The following TUBGCP3 variants were observed in gnomAD, a reference collection of about 807,000 sequenced individuals.
TUBGCP3 encodes the protein gamma-tubulin complex component 3.
A neutral mutation model predicts 123.1 loss-of-function variants in TUBGCP3; 50 were observed. The observed-to-expected ratio is 0.41, with a 90% CI of 0.32 to 0.51. The LOEUF (loss-of-function observed/expected upper bound fraction) is 0.51, where lower values mean the gene tolerates loss of function less well. Ranked by LOEUF, TUBGCP3 falls within the 20% of genes least tolerant of loss-of-function variation. The probability of loss-of-function intolerance (pLI) is 0.36; values close to 1 mark genes in which losing one functional copy is unlikely to be tolerated. For synonymous variants in TUBGCP3, 405 were observed against 413.9 expected, an observed-to-expected ratio of 0.98 and a Z score of 0.26; for missense variants, 882 against 1,127.0, an observed-to-expected ratio of 0.78 and a Z score of 3.11.
rs991179787 is a variant in TUBGCP3, at chr13:112,524,321, T to C, written c.1556-1812A>G. ...TTAAGTGTTTTTGATCCTCAGTTGATTGAATCTGCAGATGTGGGGCGGTGG... is the reference window on the plus strand; with the variant it reads ...TTAAGTGTTTTTGATCCTCAGTTGACTGAATCTGCAGATGTGGGGCGGTGG... On this transcript the variant is annotated intron_variant, in intron 13 of 21. Transcript: ENST00000261965. This position sits in a 1 kb window ranked among gnomAD's most constrained non-coding sequence, Gnocchi z 4.4. Among the ~76,000 whole-genome samples the C allele has an allele frequency of 1.3e-5, 2 of 152,208 alleles. No individual in the cohort carries two copies. The highest frequency in any genetic ancestry group is 4.8e-5 in the African/African-American group (2 of 41,442).
At chr13:112,553,945 T>A in intron 8 of TUBGCP3, 112 bp downstream of exon 8, 1 of 1,498,612 alleles carries the variant, frequency 6.7e-7, no homozygotes, top group African/African-American at 1.4e-5. Flanking sequence ...CTCTCAAAGC[T>A]GCTTTACTTG....
chr13:112,590,274 T>A (rs183521041), upstream of TUBGCP3, among the ~76,000 whole-genome samples: 9 of 152,166 alleles, frequency 5.9e-5, no homozygotes, highest in East Asian at 1.7e-3. Context: ...CCGCGCCCGG[T>A]CCAGCCATCT....
At chr13:112,561,312 G>A (rs1447356517) in intron 3 of TUBGCP3, among the ~76,000 whole-genome samples, 1 of 152,196 alleles carries the variant, frequency 6.6e-6, no homozygotes, top group South Asian at 2.1e-4. Context: ...CAGGACCAAG[G>A]AGCCAAGCTG....
At chr13:112,503,615 G>A (rs922902316) in intron 19 of TUBGCP3, among the ~76,000 whole-genome samples, 4 of 151,902 alleles carry the variant, frequency 2.6e-5, no homozygotes, top group Admixed American at 6.6e-5. Flanking sequence ...TGATCCACCC[G>A]CCTCGGCCTC....
At chr13:112,578,745 G>C (rs113840406) in intron 1 of TUBGCP3, among the ~76,000 whole-genome samples, 3,737 of 151,988 alleles carry the variant, frequency 0.025, 74 homozygotes, top group Middle Eastern at 0.054. Context: ...AGAGCTCAGG[G>C]CCTTCACAGC....
intron 1 of TUBGCP3, among the ~76,000 whole-genome samples, chr13:112,569,895 G>C (rs1327715671): frequency 6.6e-6 from 1 of 152,090 alleles, no homozygotes; most frequent in African/African-American, 2.4e-5. Context: ...CAATGAAACC[G>C]GAACACTAAA....
At chr13:112,527,195 C>CA in intron 12 of TUBGCP3, 145 bp from the exon 13 acceptor site, 1 of 798,560 alleles carries the variant, frequency 1.3e-6, no homozygotes, top group East Asian at 2.7e-5. Context: ...TCTAGTAACT[C>CA]AAAGATATAT....
rs1246057587 is a variant in TUBGCP3 at position 112,524,640 on chromosome 13, T to A, written c.1556-2131A>T. Among the ~76,000 whole-genome samples, 1 of 152,132 alleles carries A rather than the reference T, an allele frequency of 6.6e-6. No homozygotes were observed. Among genetic ancestry groups the A allele is most frequent in the African/African-American group, 2.4e-5 (1 of 41,424 alleles). On this transcript the variant is annotated intron_variant, in intron 13 of 21. Transcript: ENST00000261965. The surrounding 1 kb of genome is among the most constrained non-coding windows in gnomAD (Gnocchi z 4.4). ...GTCTATGTACCCCCCCACAAAAAAA[T>A]ACATGTAAAATTATGTCTGAATGCT...
chr13:112,548,678 T>A (rs1879279625), intron 8 of TUBGCP3, among the ~76,000 whole-genome samples: 1 of 152,158 alleles, frequency 6.6e-6, no homozygotes, highest in Non-Finnish European at 1.5e-5. Flanking sequence ...GGGCAAAGCA[T>A]ATGAACAGAC....
chr13:112,520,529 C>CA (rs199932617), intron 14 of TUBGCP3, among the ~76,000 whole-genome samples: 3,379 of 149,354 alleles, frequency 0.023, 71 homozygotes, highest in Middle Eastern at 0.087. Context: ...GACTCCATCT[C>CA]AAAAAAAAGA....
intron 11 of TUBGCP3, among the ~76,000 whole-genome samples, chr13:112,534,181 GTCC>G (rs1166927817): frequency 6.6e-6 from 1 of 152,190 alleles, no homozygotes; most frequent in African/African-American, 2.4e-5. Flanking sequence ...TAGACCAGGG[GTCC>G]TCAAGTTTCA....
chr13:112,517,914 T>G (rs546927703), intron 16 of TUBGCP3, among the ~76,000 whole-genome samples: 2 of 152,278 alleles, frequency 1.3e-5, no homozygotes, highest in African/African-American at 4.8e-5. Flanking sequence ...AATAAATAAA[T>G]AATTTGTTAA....
At chr13:112,535,332 T>C (rs996799810) in intron 11 of TUBGCP3, among the ~76,000 whole-genome samples, 3 of 152,208 alleles carry the variant, frequency 2.0e-5, no homozygotes, top group African/African-American at 7.2e-5. Flanking sequence ...GGTCACATGG[T>C]AAATCCATAT....
At chr13:112,528,234 A>G (rs958656907) in intron 11 of TUBGCP3, among the ~76,000 whole-genome samples, 2 of 152,226 alleles carry the variant, frequency 1.3e-5, no homozygotes, top group Admixed American at 6.5e-5. Flanking sequence ...TTTCAATCAT[A>G]CACCCTAATA....
intron 8 of TUBGCP3, among the ~76,000 whole-genome samples, chr13:112,550,482 C>T (rs1879467663): frequency 1.3e-5 from 2 of 152,234 alleles, no homozygotes; most frequent in East Asian, 1.9e-4. Flanking sequence ...AAGAAACGTC[C>T]TAGAGTCTGG....
At chr13:112,489,443 C>A (rs763251918) in intron 21 of TUBGCP3, 138 bp downstream of exon 21, 4 of 707,364 alleles carry the variant, frequency 5.7e-6, no homozygotes, top group Non-Finnish European at 1.0e-5. Flanking sequence ...CAGGGTCCAC[C>A]ATGGGTGCTA....
At chr13:112,553,956 G>A in intron 8 of TUBGCP3, 101 bp downstream of exon 8, 1 of 1,521,214 alleles carries the variant, frequency 6.6e-7, no homozygotes, top group Non-Finnish European at 8.8e-7. Flanking sequence ...GCTTTACTTG[G>A]AAAGAGCCTT....
rs1227652027 is a variant in TUBGCP3 at position 112,508,064 on chromosome 13, TGCCTGGG to T, written c.2087-3357_2087-3351del. ...ATCCCACTCCAGCCCATCCCAGTGCTGCCTGGGGCCTTCCCCTTCTCTCCCTCACTCC... is the reference window on the plus strand; with the variant it reads ...ATCCCACTCCAGCCCATCCCAGTGCTGCCTTCCCCTTCTCTCCCTCACTCC... On this transcript the variant is annotated intron_variant, in intron 17 of 21. Coordinates refer to ENST00000261965, the MANE Select transcript of TUBGCP3 (RefSeq NM_006322.6). This position sits in a 1 kb window ranked among gnomAD's most constrained non-coding sequence, Gnocchi z 4.2. Among the ~76,000 whole-genome samples the T allele has an allele frequency of 3.9e-5, 6 of 152,300 alleles. No individual in the cohort carries two copies. Among genetic ancestry groups the T allele is most frequent in the Non-Finnish European group, 8.8e-5 (6 of 68,018 alleles).
chr13:112,502,384 C>T (rs1880969218), intron 19 of TUBGCP3, among the ~76,000 whole-genome samples: 1 of 152,132 alleles, frequency 6.6e-6, no homozygotes, highest in African/African-American at 2.4e-5. Context: ...ACACTGACTT[C>T]CTAAACGTGT....
Sources: gnomAD v4.1 joint callset for allele counts (sites outside exome capture counted in the v4.1 genomes callset) on GRCh38, gnomAD v4.1.1 for gene constraint, Gnocchi (gnomAD v3.1) non-coding constraint, MANE v1.5 for transcripts, NCBI Gene and HGNC (gene_info 2026-07-23, HGNC 2026-07-21) for gene names.